Variants in LARP1B observed in about 807,000 individuals in gnomAD.
The protein encoded by LARP1B is La ribonucleoprotein 1B.
In LARP1B, 76 loss-of-function variants were observed where a neutral mutation model predicts 114.2. The ratio of observed to expected loss-of-function variants is 0.67; its 90% CI spans 0.55 to 0.81. LARP1B has a LOEUF of 0.81. Among genes scored for constraint, LARP1B ranks in the 30% least tolerant of loss-of-function variants. LARP1B has a pLI of 0.00. For synonymous variants in LARP1B, 345 were observed against 348.0 expected, an observed-to-expected ratio of 0.99 and a Z score of 0.10; for missense variants, 1,014 against 1,075.8, an observed-to-expected ratio of 0.94 and a Z score of 0.80.
intron 5 of LARP1B, among the ~76,000 whole-genome samples, chr4:128,090,074 CTTTT>C (rs778984219): frequency 1.7e-5 from 2 of 119,192 alleles, no homozygotes; most frequent in African/African-American, 3.2e-5. Flanking sequence ...CACCGGGCCT[CTTTT>C]TTTTTTTTTT....
At chr4:128,180,639 T>C (rs1269012649) in intron 15 of LARP1B, among the ~76,000 whole-genome samples, 2 of 152,198 alleles carry the variant, frequency 1.3e-5, no homozygotes, top group African/African-American at 4.8e-5. Context: ...CAATGGAAAA[T>C]GTTTAATTTA....
chr4:128,176,212 T>TA (rs1745988889), intron 12 of LARP1B, among the ~76,000 whole-genome samples: 1 of 142,224 alleles, frequency 7.0e-6, no homozygotes, highest in African/African-American at 2.6e-5. Context: ...ATTATATATT[T>TA]ATATATAAAT....
In LARP1B at chr4:128,110,676, C is replaced by CAAAAAAAAAAAAAAAAAAAAAAAAAAA. The variant is rs544129662; in HGVS notation, c.988+3380_988+3381insAAAAAAAAAAAAAAAAAAAAAAAAAAA. ...TGGGCGACAGAGCGAGACTCCGTCT[C>CAAAAAAAAAAAAAAAAAAAAAAAAAAA]AAAAAAAAAAAAAAAAAGATGCAGC... On this transcript the variant is annotated intron_variant, in intron 9 of 19. Transcript: ENST00000326639. Among the ~76,000 whole-genome samples, 11 of 32,422 alleles carry CAAAAAAAAAAAAAAAAAAAAAAAAAAA rather than the reference C, an allele frequency of 3.4e-4. 1 individual carries two copies. Among genetic ancestry groups the CAAAAAAAAAAAAAAAAAAAAAAAAAAA allele is most frequent in the Non-Finnish European group, 4.7e-4 (10 of 21,444 alleles). The allele number at this position is 32,422 out of a possible 152,430, so 21.3% of individuals were successfully genotyped here. A position where few individuals can be genotyped will look rare whatever the true frequency, so the allele number is the denominator to read the frequency against.
intron 12 of LARP1B, among the ~76,000 whole-genome samples, chr4:128,163,981 A>G (rs922804281): frequency 4.6e-5 from 7 of 152,170 alleles, no homozygotes; most frequent in African/African-American, 1.7e-4. Flanking sequence ...TTTGAATAGA[A>G]AGAGCTAGGA....
intron 4 of LARP1B, among the ~76,000 whole-genome samples, chr4:128,080,841 C>T (rs1315122334): frequency 2.6e-5 from 4 of 152,004 alleles, no homozygotes; most frequent in Non-Finnish European, 5.9e-5. Flanking sequence ...TATCCCTCTT[C>T]CCTCTTATAT....
chr4:128,101,348 G>A (rs925777593), intron 8 of LARP1B, among the ~76,000 whole-genome samples: 18 of 151,644 alleles, frequency 1.2e-4, no homozygotes, highest in Middle Eastern at 6.8e-3. Context: ...TGACGTGCCT[G>A]TAATCCCAGC....
At chr4:128,114,887 C>G in intron 10 of LARP1B, 145 bp downstream of exon 10, 1 of 594,792 alleles carries the variant, frequency 1.7e-6, no homozygotes, top group South Asian at 2.7e-5. Flanking sequence ...TCAGTAGACA[C>G]TTATGGGTTA....
At chr4:128,129,776 G>A (rs1561340290) in intron 11 of LARP1B, among the ~76,000 whole-genome samples, 1 of 151,406 alleles carries the variant, frequency 6.6e-6, no homozygotes, top group East Asian at 1.9e-4. Flanking sequence ...ATACAATAGA[G>A]AAAAGTCTTT....
chr4:128,114,076 A>G (rs1193219093), intron 9 of LARP1B, among the ~76,000 whole-genome samples: 2 of 152,210 alleles, frequency 1.3e-5, no homozygotes, highest in Non-Finnish European at 1.5e-5. Flanking sequence ...ATTGCAGTAG[A>G]CAAACCTTGC....
intron 11 of LARP1B, among the ~76,000 whole-genome samples, chr4:128,131,710 C>A (rs1791628797): frequency 6.6e-6 from 1 of 152,036 alleles, no homozygotes; most frequent in African/African-American, 2.4e-5. Flanking sequence ...CAAGCAAGTC[C>A]CTGTCTCTAA....
At chr4:128,079,159 G>A (rs34350456) in intron 4 of LARP1B, among the ~76,000 whole-genome samples, 97,998 of 150,310 alleles carry the variant, frequency 0.65, 32,146 homozygotes, top group Middle Eastern at 0.82. Flanking sequence ...CAGTGGCCCA[G>A]TCTTGACTCA....
chr4:128,175,409 G>T (rs1745461087), intron 12 of LARP1B, among the ~76,000 whole-genome samples: 1 of 152,032 alleles, frequency 6.6e-6, no homozygotes, highest in African/African-American at 2.4e-5. Context: ...TTACCAAATG[G>T]TTTTAGCAGC....
intron 10 of LARP1B, 62 bp from the exon 11 acceptor site, chr4:128,121,764 A>T: frequency 8.3e-7 from 1 of 1,206,580 alleles, no homozygotes. Context: ...ACACTGTTTT[A>T]TGACATTTAA....
At chr4:128,098,490 A>G (rs1220607361) in intron 8 of LARP1B, among the ~76,000 whole-genome samples, 160 bp downstream of exon 8, 1 of 151,750 alleles carries the variant, frequency 6.6e-6, no homozygotes, top group Non-Finnish European at 1.5e-5. Flanking sequence ...ACCTTCATAA[A>G]TGTCTAACCT....
intron 11 of LARP1B, among the ~76,000 whole-genome samples, chr4:128,126,800 T>C (rs2150059022): frequency 7.9e-6 from 1 of 126,178 alleles, no homozygotes; most frequent in Middle Eastern, 5.4e-3. Flanking sequence ...ATAAAGCTTT[T>C]TATTTGTTTT....
chr4:128,179,895 C>T (rs529958478), intron 15 of LARP1B, among the ~76,000 whole-genome samples: 22 of 151,974 alleles, frequency 1.4e-4, no homozygotes, highest in South Asian at 4.2e-4. Context: ...AATATGGAAA[C>T]GAAGCATTGT....
chr4:128,206,544 A>G lies in LARP1B; in HGVS notation c.2419+7A>G. On this transcript the variant is annotated splice_region_variant and intron_variant, in intron 18 of 19. Transcript: ENST00000326639. The stretch of plus-strand genomic sequence containing the variant: ...AAAAAAGACTACGAATCTGGTAACA[A>G]TAACATCAGAAAACTTGTACTCTAA... 1.9e-6 allele frequency: 3 copies of G among 1,599,856 alleles called. No homozygotes were observed. Among genetic ancestry groups the G allele is most frequent in the East Asian group, 4.5e-5 (2 of 44,750 alleles).
At chr4:128,070,878 A>AT (rs1166277847) in intron 1 of LARP1B, among the ~76,000 whole-genome samples, 3 of 151,552 alleles carry the variant, frequency 2.0e-5, no homozygotes, top group African/African-American at 7.3e-5. Flanking sequence ...GATTATCTTG[A>AT]TTTTTTTCAT....
chr4:128,221,443 C>A (rs1177094979), intron 7 of LARP1B, among the ~76,000 whole-genome samples: 1 of 152,118 alleles, frequency 6.6e-6, no homozygotes. Flanking sequence ...TTACAATAAG[C>A]CTGTTTTTTC....
Sources: gnomAD v4.1 joint callset for allele counts (sites outside exome capture counted in the v4.1 genomes callset) on GRCh38, gnomAD v4.1.1 for gene constraint, MANE v1.5 for transcripts, NCBI Gene and HGNC (gene_info 2026-07-23, HGNC 2026-07-21) for gene names.